Variants in WDPCP observed in about 807,000 individuals in gnomAD.
WDPCP encodes WD repeat containing planar cell polarity effector, also known as WD repeat-containing and planar cell polarity effector protein fritz homolog.
In WDPCP, 71 loss-of-function variants were observed where a neutral mutation model predicts 93.1. That is an observed-to-expected ratio of 0.76 (90% CI 0.63 to 0.93). The LOEUF is 0.93. Ranked by LOEUF, WDPCP falls within the 40% of genes least tolerant of loss-of-function variation. The pLI, the probability that WDPCP is intolerant of heterozygous loss-of-function variation, is 0.00. For missense variants in WDPCP, 844 were observed against 887.4 expected (o/e 0.95, Z 0.62); for synonymous variants, 315 against 315.0 (o/e 1.00, Z 0.00).
At chr2:63,594,039 C>G in intron 3 of WDPCP, among the ~76,000 whole-genome samples, 1 of 152,180 alleles carries the variant, frequency 6.6e-6, no homozygotes, top group Non-Finnish European at 1.5e-5. Flanking sequence ...GATTAATTGT[C>G]TTATTTAAAT....
chr2:63,265,457 C>T (rs1453808224), intron 13 of WDPCP, among the ~76,000 whole-genome samples: 1 of 152,106 alleles, frequency 6.6e-6, no homozygotes, highest in Non-Finnish European at 1.5e-5. Context: ...AAGAAACATG[C>T]AGTCTACTAA....
chr2:63,773,090 C>T (rs1370101708), intron 2 of WDPCP, among the ~76,000 whole-genome samples: 1 of 152,022 alleles, frequency 6.6e-6, no homozygotes, highest in African/African-American at 2.4e-5. Flanking sequence ...TATATAATTT[C>T]ACTCCTATAT....
chr2:63,230,244 GT>G (rs956106486), intron 14 of WDPCP, among the ~76,000 whole-genome samples: 1 of 151,992 alleles, frequency 6.6e-6, no homozygotes, highest in Non-Finnish European at 1.5e-5. Flanking sequence ...CTTCATCCAT[GT>G]CCCTACAATG....
intron 12 of WDPCP, among the ~76,000 whole-genome samples, chr2:63,355,687 C>T (rs1168967658): frequency 6.6e-6 from 1 of 152,064 alleles, no homozygotes; most frequent in Non-Finnish European, 1.5e-5. Context: ...CAAGGCCAGC[C>T]TGGCCAACAT....
chr2:63,346,677 G>C (rs1341330895), intron 12 of WDPCP, among the ~76,000 whole-genome samples: 1 of 152,152 alleles, frequency 6.6e-6, no homozygotes, highest in African/African-American at 2.4e-5. Context: ...GACTCAAGGT[G>C]ACTCTTATGT....
intron 13 of WDPCP, among the ~76,000 whole-genome samples, chr2:63,306,434 CA>C (rs1202650937): frequency 6.6e-6 from 1 of 151,920 alleles, no homozygotes; most frequent in Non-Finnish European, 1.5e-5. Flanking sequence ...AGAGTCACAA[CA>C]AAAAAAGAAA....
chr2:63,502,888 C>T (rs985274068), intron 1 of WDPCP, among the ~76,000 whole-genome samples: 3 of 152,112 alleles, frequency 2.0e-5, no homozygotes, highest in African/African-American at 4.8e-5. Context: ...TGGTTCTTCA[C>T]AGCTGCTAAC....
intron 8 of WDPCP, among the ~76,000 whole-genome samples, chr2:63,436,452 A>C (rs1259610978): frequency 6.6e-6 from 1 of 152,054 alleles, no homozygotes; most frequent in Non-Finnish European, 1.5e-5. Flanking sequence ...TGCTACCACC[A>C]CCTCATTCAT....
intron 2 of WDPCP, among the ~76,000 whole-genome samples, chr2:63,702,534 C>T (rs1669073174): frequency 1.2e-5 from 1 of 82,614 alleles, no homozygotes; most frequent in African/African-American, 7.0e-5. Flanking sequence ...AATAGCTACC[C>T]ATTCTTTTTT....
chr2:63,818,024 T>C (rs1670964905), intron 1 of WDPCP, among the ~76,000 whole-genome samples: 1 of 152,230 alleles, frequency 6.6e-6, no homozygotes, highest in African/African-American at 2.4e-5. Context: ...CATCACATTT[T>C]ATCCATAAAT....
chr2:63,654,169 A>C (rs933173262), intron 2 of WDPCP, among the ~76,000 whole-genome samples: 2 of 152,226 alleles, frequency 1.3e-5, no homozygotes, highest in Non-Finnish European at 2.9e-5. Flanking sequence ...ATGAAAAATA[A>C]AATATCTGAA....
intron 2 of WDPCP, among the ~76,000 whole-genome samples, chr2:63,755,385 G>T (rs1669950715): frequency 6.6e-6 from 1 of 152,164 alleles, no homozygotes; most frequent in South Asian, 2.1e-4. Context: ...CTAATAGCAG[G>T]AGACGCAAGG....
chr2:63,751,745 A>G (rs545707232), intron 2 of WDPCP: 48 of 571,748 alleles, frequency 8.4e-5, no homozygotes, highest in Non-Finnish European at 8.6e-5. Flanking sequence ...TGACATAGTC[A>G]CCTTGGTTTT....
At chr2:63,718,790 C>G (rs1322161618) in intron 2 of WDPCP, among the ~76,000 whole-genome samples, 1 of 151,968 alleles carries the variant, frequency 6.6e-6, no homozygotes, top group Non-Finnish European at 1.5e-5. Context: ...CAAAAAAATA[C>G]AGAAAGGTTG....
chr2:63,572,725 A>AAAAAAAAAAAAAAAAT (rs1707620844), intron 1 of WDPCP, among the ~76,000 whole-genome samples: 1 of 147,658 alleles, frequency 6.8e-6, no homozygotes, highest in Admixed American at 6.8e-5. Context: ...AAAAAAAAAA[A>AAAAAAAAAAAAAAAAT]AGTTGGACAG....
intron 1 of WDPCP, among the ~76,000 whole-genome samples, chr2:63,527,206 G>A (rs572407341): frequency 1.4e-4 from 21 of 149,874 alleles, no homozygotes; most frequent in Non-Finnish European, 1.9e-4. Flanking sequence ...TACTAACAGA[G>A]CAAAGGGCAG....
chr2:63,359,370 A>G (rs1440949620), intron 12 of WDPCP, among the ~76,000 whole-genome samples: 2 of 152,236 alleles, frequency 1.3e-5, no homozygotes, highest in African/African-American at 2.4e-5. Flanking sequence ...ACATGAAAAG[A>G]TATTTCACTA....
At chr2:63,448,832 G>T (rs1698039748) in intron 6 of WDPCP, among the ~76,000 whole-genome samples, 1 of 152,128 alleles carries the variant, frequency 6.6e-6, no homozygotes, top group Non-Finnish European at 1.5e-5. Flanking sequence ...GCACTAGAGA[G>T]TATGATGGTA....
chr2:63,172,243 C>T (rs760475377), intron 15 of WDPCP, among the ~76,000 whole-genome samples: 5 of 152,280 alleles, frequency 3.3e-5, no homozygotes, highest in Middle Eastern at 3.4e-3. Flanking sequence ...TGGTGGCTCA[C>T]GCCTGTAATC....
Sources: allele counts gnomAD v4.1 joint callset (sites outside exome capture counted in the v4.1 genomes callset), GRCh38; gene constraint gnomAD v4.1.1; transcripts MANE v1.5; gene names NCBI Gene and HGNC (gene_info 2026-07-23, HGNC 2026-07-21).